ADGRG6: variants seen among roughly 807,000 people sequenced by gnomAD.
ADGRG6 encodes G-protein coupled receptor 126.
In ADGRG6, 84 loss-of-function variants were observed where a neutral mutation model predicts 142.4. The observed-to-expected ratio is 0.59, with a 90% CI of 0.49 to 0.71. The LOEUF (loss-of-function observed/expected upper bound fraction) is 0.71. Among genes scored for constraint, ADGRG6 ranks in the 30% least tolerant of loss-of-function variants. The pLI, the probability that ADGRG6 is intolerant of heterozygous loss-of-function variation, is 0.00. For missense variants in ADGRG6, 1,367 were observed against 1,466.6 expected (o/e 0.93, Z 1.11); for synonymous variants, 521 against 520.5 (o/e 1.00, Z -0.01).
rs1368283370 is a variant in ADGRG6, at chr6:142,390,272, A to G, written c.1237A>G (p.Arg413Gly). 14 of 1,579,280 alleles carry G rather than the reference A, an allele frequency of 8.9e-6. No individual in the cohort carries two copies. The East Asian group carries it at 9.0e-5, about 10-fold the overall frequency. The change falls in exon 7 of 25, where the codon AGA becomes GGA. Residue 413 changes from arginine (R) to glycine (G), a missense_variant. Transcript: ENST00000367609. ...DKQRNDGIIY[R>G]ISVVIQNILR... is the part of the protein sequence containing the mutation. ...CCAATGGGCAGATGGAATTATCTATAGAATATCCGTAGTGATTCAGAACAT... is the reference window on the plus strand; with the variant it reads ...CCAATGGGCAGATGGAATTATCTATGGAATATCCGTAGTGATTCAGAACAT...
chr6:142,340,817 G>A (rs1418905319), intron 2 of ADGRG6, among the ~76,000 whole-genome samples: 3 of 152,054 alleles, frequency 2.0e-5, no homozygotes, highest in Non-Finnish European at 4.4e-5. Flanking sequence ...TCTGTGTAGT[G>A]TATGTTTCTG....
intron 24 of ADGRG6, chr6:142,441,062 T>G (rs777996406): frequency 5.2e-5 from 30 of 574,284 alleles, no homozygotes; most frequent in Non-Finnish European, 6.5e-5. Flanking sequence ...TGGCTTGTTC[T>G]TTTCAGCTAG....
In ADGRG6 at chr6:142,371,186, A is replaced by G. The variant is rs142104975; in HGVS notation, c.1069+393A>G. On this transcript the variant is annotated intron_variant, in intron 4 of 24. Coordinates refer to ENST00000367609, the MANE Select transcript of ADGRG6 (RefSeq NM_198569.3). ...GTTATTGGTATTTTTTTTTTGAGAC[A>G]GAGTCTCACTGTGTTGCCCAGGCTG... is the stretch of plus-strand genomic sequence containing the variant. 4.8e-4 allele frequency among the ~76,000 whole-genome samples: 73 copies of G among 152,086 alleles called. No individual in the cohort carries two copies. The Middle Eastern group carries it at 0.014, about 28-fold the overall frequency.
In ADGRG6 at chr6:142,399,645, A is replaced by G. The variant is rs766111947; in HGVS notation, c.1568-840A>G. Among the ~76,000 whole-genome samples, 8 of 152,212 alleles carry G rather than the reference A, an allele frequency of 5.3e-5. No homozygotes were observed. In the South Asian group the frequency reaches 1.4e-3, roughly 28 times the overall value. ...TATCCGTTTTATTGTTTTTCTGCAA[A>G]TGAATCTGTGGATAAGCGCTTCTAC... On this transcript the variant is annotated intron_variant, in intron 10 of 24. Coordinates refer to ENST00000367609, the MANE Select transcript of ADGRG6 (RefSeq NM_198569.3).
chr6:142,326,625 C>A (rs905775981), intron 2 of ADGRG6, among the ~76,000 whole-genome samples: 32 of 151,670 alleles, frequency 2.1e-4, no homozygotes, highest in South Asian at 8.3e-4. Flanking sequence ...CTTGACTGTT[C>A]ATTGTTCTTT....
chr6:142,386,789 G>A (rs891568511), intron 6 of ADGRG6, among the ~76,000 whole-genome samples: 3 of 152,142 alleles, frequency 2.0e-5, no homozygotes, highest in African/African-American at 7.2e-5. Context: ...GGGCAGCTCG[G>A]GGCAGCAGGC....
chr6:142,443,749 C>T lies in ADGRG6; in HGVS notation c.*234C>T, dbSNP rs1230278581. ...TGAGAGTAACATGACTCAGTAGCCA[C>T]AGAAGCTATGATTTGTAAAATATAT... On this transcript the variant is annotated 3_prime_UTR_variant, in exon 25 of 25. Coordinates refer to ENST00000367609, the MANE Select transcript of ADGRG6 (RefSeq NM_198569.3). 2 of 382,434 alleles carry T rather than the reference C, an allele frequency of 5.2e-6. No individual in the cohort carries two copies. Among genetic ancestry groups the T allele is most frequent in the African/African-American group, 4.2e-5 (2 of 47,574 alleles). The allele number at this position is 382,434 out of a possible 1,614,324, so 23.7% of individuals were successfully genotyped here. A position where few individuals can be genotyped will look rare whatever the true frequency, so the allele number is the denominator to read the frequency against.
chr6:142,389,126 C>T (rs1027374818), intron 6 of ADGRG6, among the ~76,000 whole-genome samples: 1 of 151,912 alleles, frequency 6.6e-6, no homozygotes, highest in African/African-American at 2.4e-5. Context: ...TATATTACTA[C>T]ATCCAGGGGC....
At chr6:142,400,435 C>A in intron 10 of ADGRG6, 50 bp from the exon 11 acceptor site, 1 of 914,204 alleles carries the variant, frequency 1.1e-6, no homozygotes, top group Non-Finnish European at 1.8e-6. Context: ...TAATCTCTAA[C>A]TTTAAAAAAT....
chr6:142,320,099 A>G (rs1174346478), intron 2 of ADGRG6, among the ~76,000 whole-genome samples: 1 of 152,072 alleles, frequency 6.6e-6, no homozygotes, highest in African/African-American at 2.4e-5. Context: ...TGTTTTCCCC[A>G]TATTTAAAGG....
At chr6:142,357,547 C>T (rs536221145) in intron 2 of ADGRG6, among the ~76,000 whole-genome samples, 3 of 152,222 alleles carry the variant, frequency 2.0e-5, no homozygotes, top group African/African-American at 7.2e-5. Context: ...TGCTTTGCTC[C>T]AAACCTTGGC....
chr6:142,406,697 C>G (rs551674947), intron 15 of ADGRG6, among the ~76,000 whole-genome samples: 95 of 152,180 alleles, frequency 6.2e-4, no homozygotes, highest in East Asian at 1.9e-4. Context: ...GGAACCAGCT[C>G]TATACAAATT....
chr6:142,379,817 A>G (rs1031282411), intron 4 of ADGRG6, among the ~76,000 whole-genome samples: 3 of 152,188 alleles, frequency 2.0e-5, no homozygotes, highest in Non-Finnish European at 4.4e-5. Flanking sequence ...AACCCAAAAT[A>G]TCTGAGACAG....
In ADGRG6 at chr6:142,402,666, T is replaced by C; in HGVS notation, c.1791T>C (p.Asp597=). 1 of 1,609,110 alleles carries C rather than the reference T, an allele frequency of 6.2e-7. No homozygotes were observed. The highest frequency in any genetic ancestry group is 1.1e-5 in the South Asian group (1 of 90,660). The part of the protein sequence containing the change: ...VANQILNLTA[D]GQNLTSANIT... ...ACCAGATTTTAAATTTAACTGCTGA[T>C]GGGCAGAACTTAACCTCAGCCAATA... Residue 597 remains aspartate (D), a synonymous_variant, in exon 13 of 25, where the codon GAT becomes GAC. Coordinates refer to ENST00000367609, the MANE Select transcript of ADGRG6 (RefSeq NM_198569.3).
rs778010981 is a variant in ADGRG6, at chr6:142,438,311, C to T, written c.3521C>T (p.Thr1174Ile). 1.9e-6 allele frequency: 3 copies of T among 1,608,956 alleles called. No individual in the cohort carries two copies. Among genetic ancestry groups the T allele is most frequent in the Admixed American group, 1.7e-5 (1 of 59,642 alleles). ...ATTGGTTCCAACTCAACCTATCTTA[C>T]ATCCAAATCTAAATCCAGCTCTACC... ...SSIGSNSTYLTSKSKSSSTTY... is the reference protein window; with the variant it reads ...SSIGSNSTYLISKSKSSSTTY... The change falls in exon 24 of 25, where the codon ACA becomes ATA. Residue 1174 changes from threonine (T) to isoleucine (I), a missense_variant. This residue lies in a region of ADGRG6 where 344 missense variants were observed against 348.7 expected (regional missense o/e 0.99). Coordinates refer to ENST00000367609, the MANE Select transcript of ADGRG6 (RefSeq NM_198569.3).
At chr6:142,405,575 G>A (rs1168060610) in intron 14 of ADGRG6, 113 bp from the exon 15 acceptor site, 13 of 804,392 alleles carry the variant, frequency 1.6e-5, no homozygotes, top group Non-Finnish European at 1.7e-5. Context: ...GGAAGTCCTG[G>A]TACTGGCTAA....
chr6:142,427,518 GTCT>G (rs1777004674), intron 22 of ADGRG6, among the ~76,000 whole-genome samples: 1 of 152,032 alleles, frequency 6.6e-6, no homozygotes, highest in Non-Finnish European at 1.5e-5. Flanking sequence ...ACATTTTCCT[GTCT>G]TCTTCTGAGC....
chr6:142,360,594 G>GT (rs556622754), intron 2 of ADGRG6, among the ~76,000 whole-genome samples: 1 of 152,070 alleles, frequency 6.6e-6, no homozygotes, highest in Non-Finnish European at 1.5e-5. Flanking sequence ...AAGCACCTCT[G>GT]TTTCTCAAAA....
At chr6:142,332,793 C>T (rs1717692371) in intron 2 of ADGRG6, among the ~76,000 whole-genome samples, 1 of 152,136 alleles carries the variant, frequency 6.6e-6, no homozygotes, top group Non-Finnish European at 1.5e-5. Flanking sequence ...TCCCAAGCAA[C>T]AAGTAAAGGA....
Sources: allele counts gnomAD v4.1 joint callset (sites outside exome capture counted in the v4.1 genomes callset), GRCh38; gene constraint gnomAD v4.1.1; regional missense constraint gnomAD v4.1.1; transcripts MANE v1.5; gene names NCBI Gene and HGNC (gene_info 2026-07-23, HGNC 2026-07-21).